HOOK1: variants seen among roughly 807,000 people sequenced by gnomAD.
The protein encoded by HOOK1 is protein Hook homolog 1.
Under a neutral mutation model 112.8 loss-of-function variants are expected in HOOK1, and 60 were observed. The ratio of observed to expected loss-of-function variants is 0.53; its 90% CI spans 0.43 to 0.66. The LOEUF is 0.66. HOOK1 is among the 30% of genes least tolerant of loss of function. HOOK1 has a pLI of 0.00. For synonymous variants in HOOK1, 294 were observed against 283.8 expected (o/e 1.04, Z -0.36); for missense variants, 770 against 856.0 (o/e 0.90, Z 1.25).
In HOOK1 at chr1:59,858,977, T is replaced by A. The variant is rs774476647; in HGVS notation, c.1331-8T>A. 2 of 1,524,974 alleles carry A rather than the reference T, an allele frequency of 1.3e-6. No individual in the cohort carries two copies. The highest frequency in any genetic ancestry group is 2.7e-5 in the African/African-American group (2 of 72,838). The allele number at this position is 1,524,974 out of a possible 1,614,324, so 94.5% of individuals were successfully genotyped here. A position where few individuals can be genotyped will look rare whatever the true frequency, so the allele number is the denominator to read the frequency against. On this transcript the variant is annotated splice_polypyrimidine_tract_variant and splice_region_variant and intron_variant, in intron 13 of 21. Coordinates refer to ENST00000371208, the MANE Select transcript of HOOK1 (RefSeq NM_015888.6). ...TGAAATGCTAATTTATTTTTTGTTA[T>A]TTTTTAGATGCATCTGCTACAAAAA...
intron 15 of HOOK1, among the ~76,000 whole-genome samples, chr1:59,861,258 C>G (rs1272176903): frequency 6.6e-6 from 1 of 152,198 alleles, no homozygotes; most frequent in East Asian, 1.9e-4. Flanking sequence ...GTTCACAATT[C>G]AGAAAGTTTG....
At chr1:59,831,208 A>G (rs1379810114) in intron 3 of HOOK1, among the ~76,000 whole-genome samples, 3 of 152,110 alleles carry the variant, frequency 2.0e-5, no homozygotes, top group Non-Finnish European at 4.4e-5. Context: ...TCTTGCAAGC[A>G]GTTAAGGTAC....
intron 2 of HOOK1, 145 bp downstream of exon 2, chr1:59,822,088 C>A: frequency 1.5e-6 from 1 of 661,408 alleles, no homozygotes; most frequent in Non-Finnish European, 2.6e-6. Context: ...GGCATTCTTG[C>A]AGGTAGGGAA....
chr1:59,846,936 T>C, intron 9 of HOOK1, 109 bp from the exon 10 acceptor site: 1 of 684,130 alleles, frequency 1.5e-6, no homozygotes. Context: ...ATATATTTTA[T>C]TGTGTTGAGT....
At position 59,865,228 on chromosome 1, in the gene HOOK1, C is replaced by A. The variant is rs182131798; in HGVS notation, c.1727C>A (p.Pro576Gln). The change falls in exon 18 of 22, where the codon CCA (proline) becomes CAA (glutamine). Residue 576 changes from proline to glutamine, a missense_variant. Pro to Gln is a moderately conservative substitution (Grantham distance 76, BLOSUM62 -1). Transcript: ENST00000371208. ...KKQELIEDLQ[P>Q]DINQNVQKIN... is the part of the protein sequence containing the mutation. ...CAAGAACTCATTGAAGATCTTCAGC[C>A]AGATATAAATCAAAATGGTAGGTAT... 1 of 1,601,040 alleles carries A rather than the reference C, an allele frequency of 6.2e-7. No homozygotes were observed. Among genetic ancestry groups the A allele is most frequent in the Non-Finnish European group, 8.6e-7 (1 of 1,168,274 alleles).
intron 1 of HOOK1, among the ~76,000 whole-genome samples, chr1:59,815,561 T>G (rs12401562): frequency 0.033 from 4,952 of 151,932 alleles, 101 homozygotes; most frequent in Non-Finnish European, 0.046. Context: ...GATCGCCGAC[T>G]CTCTTGCCTT....
At position 59,848,284 on chromosome 1, in the gene HOOK1, G is replaced by A. The variant is rs769133006; in HGVS notation, c.930-31G>A. Reference sequence around the variant, plus strand: ...AAATTATGAGTATATACTAGTTTTTGTACAGTAATGCTTAGTCTTTATGAT... The same window carrying A: ...AAATTATGAGTATATACTAGTTTTTATACAGTAATGCTTAGTCTTTATGAT... On this transcript the variant is annotated intron_variant, in intron 10 of 21. Transcript: ENST00000371208. 2.0e-6 allele frequency: 3 copies of A among 1,509,900 alleles called. No homozygotes were observed. In the East Asian group the frequency reaches 6.8e-5, roughly 34 times the overall value. The allele number at this position is 1,509,900 out of a possible 1,614,324, so 93.5% of individuals were successfully genotyped here. A position where few individuals can be genotyped will look rare whatever the true frequency, so the allele number is the denominator to read the frequency against.
chr1:59,843,163 T>G lies in HOOK1; in HGVS notation c.622-269T>G, dbSNP rs1358114501. On this transcript the variant is annotated intron_variant, in intron 8 of 21. Coordinates refer to ENST00000371208, the MANE Select transcript of HOOK1 (RefSeq NM_015888.6). ...TTTTAGAGACTTGAAAACATTTTCT[T>G]CCCCAAACAAAGGCAGGCATAGCAT... Among the ~76,000 whole-genome samples, 6 of 151,508 alleles carry G rather than the reference T, an allele frequency of 4.0e-5. 1 individual carries two copies. In the South Asian group the frequency reaches 1.3e-3, roughly 32 times the overall value.
At position 59,872,776 on chromosome 1, in the gene HOOK1, A is replaced by G. The variant is rs906911558; in HGVS notation, c.2017-19A>G. Reference sequence around the variant, plus strand: ...TGTTTAGTCATGTTAAATAAAAAATATATGTTTTTTTTTTTCAGAGTCTAG... The same window carrying G: ...TGTTTAGTCATGTTAAATAAAAAATGTATGTTTTTTTTTTTCAGAGTCTAG... On this transcript the variant is annotated intron_variant, in intron 21 of 21. Coordinates refer to ENST00000371208, the MANE Select transcript of HOOK1 (RefSeq NM_015888.6). 1 of 1,383,952 alleles carries G rather than the reference A, an allele frequency of 7.2e-7. No individual in the cohort carries two copies. Among genetic ancestry groups the G allele is most frequent in the Middle Eastern group, 2.3e-4 (1 of 4,420 alleles). The allele number at this position is 1,383,952 out of a possible 1,614,324, so 85.7% of individuals were successfully genotyped here. A position where few individuals can be genotyped will look rare whatever the true frequency, so the allele number is the denominator to read the frequency against.
chr1:59,845,099 C>G (rs553195510), intron 9 of HOOK1, among the ~76,000 whole-genome samples: 8 of 151,980 alleles, frequency 5.3e-5, no homozygotes, highest in Non-Finnish European at 1.2e-4. Flanking sequence ...ACTGGGAACT[C>G]CAAAATCAAG....
intron 9 of HOOK1, among the ~76,000 whole-genome samples, chr1:59,845,506 T>G (rs981968581): frequency 1.3e-5 from 2 of 151,884 alleles, no homozygotes; most frequent in Non-Finnish European, 2.9e-5. Context: ...GCTGTAGAGT[T>G]GTTCGATGTG....
chr1:59,864,914 G>A (rs138221625), intron 17 of HOOK1: 1 of 566,318 alleles, frequency 1.8e-6, no homozygotes, highest in East Asian at 2.9e-5. Flanking sequence ...ATCACAACTA[G>A]ATTATATGGG....
Position 59,858,965 on chromosome 1 carries a change from T to C in HOOK1, c.1331-20T>C. 1 of 1,446,482 alleles carries C rather than the reference T, an allele frequency of 6.9e-7. No homozygotes were observed. Among genetic ancestry groups the C allele is most frequent in the Non-Finnish European group, 9.7e-7 (1 of 1,031,310 alleles). 89.6% of individuals were successfully genotyped at this position (1,446,482 alleles called of 1,614,324 possible). A position where few individuals can be genotyped will look rare whatever the true frequency, so the allele number is the denominator to read the frequency against. ...TAGTTGAAATACTGAAATGCTAATT[T>C]ATTTTTTGTTATTTTTTAGATGCAT... On this transcript the variant is annotated intron_variant, in intron 13 of 21. Coordinates refer to ENST00000371208, the MANE Select transcript of HOOK1 (RefSeq NM_015888.6).
At position 59,847,120 on chromosome 1, in the gene HOOK1, G is replaced by A. The variant is rs1265788658; in HGVS notation, c.864G>A (p.Arg288=). ...AGCAGCTAATCGAATTCCAGCATAG[G>A]AATGATGAATTGACTAGTCTTGCAG... is the stretch of plus-strand genomic sequence containing the variant. The part of the protein sequence containing the change: ...LEKQLIEFQH[R]NDELTSLAEE... Residue 288 remains arginine, a synonymous_variant, in exon 10 of 22, where the codon AGG becomes AGA. Transcript: ENST00000371208. 6.2e-7 allele frequency: 1 copy of A among 1,607,754 alleles called. No homozygotes were observed. Among genetic ancestry groups the A allele is most frequent in the African/African-American group, 1.3e-5 (1 of 74,564 alleles).
At chr1:59,851,189 T>C (rs1477774504) in intron 12 of HOOK1, among the ~76,000 whole-genome samples, 1 of 151,578 alleles carries the variant, frequency 6.6e-6, no homozygotes, top group Non-Finnish European at 1.5e-5. Context: ...AATCTTGAAA[T>C]CAGCTTGTCA....
chr1:59,865,316 C>A, intron 18 of HOOK1, 71 bp downstream of exon 18: 1 of 907,148 alleles, frequency 1.1e-6, no homozygotes, highest in Non-Finnish European at 1.8e-6. Flanking sequence ...TTGAAGGATC[C>A]AAGGTCTATG....
intron 3 of HOOK1, among the ~76,000 whole-genome samples, chr1:59,831,139 G>A (rs1461259520): frequency 6.6e-6 from 1 of 152,018 alleles, no homozygotes; most frequent in Non-Finnish European, 1.5e-5. Flanking sequence ...GACCTCAGGT[G>A]ATCCAACTGC....
Position 59,873,764 on chromosome 1 carries a change from T to TATATATATAC in HOOK1, c.*800_*801insTATATATACA, listed in dbSNP as rs1644094060. ...ATATATATATATATATATATATATA[T>TATATATATAC]ACTTTTTGTGAAATGTCTATATACT... On this transcript the variant is annotated 3_prime_UTR_variant, in exon 22 of 22. Transcript: ENST00000371208. The TATATATATAC allele has an allele frequency of 7.4e-6, 1 of 135,390 alleles. No homozygotes were observed. The highest frequency in any genetic ancestry group is 1.6e-5 in the Non-Finnish European group (1 of 62,356). 8.4% of individuals were successfully genotyped at this position (135,390 alleles called of 1,614,324 possible). A position where few individuals can be genotyped will look rare whatever the true frequency, so the allele number is the denominator to read the frequency against.
intron 3 of HOOK1, among the ~76,000 whole-genome samples, chr1:59,829,500 T>C (rs2098392265): frequency 2.6e-5 from 4 of 152,046 alleles, no homozygotes; most frequent in Admixed American, 2.6e-4. Flanking sequence ...TTTAAGTCAG[T>C]TTTGTTGTGT....
Sources: allele counts gnomAD v4.1 joint callset (sites outside exome capture counted in the v4.1 genomes callset), GRCh38; gene constraint gnomAD v4.1.1; transcripts MANE v1.5; gene names NCBI Gene and HGNC (gene_info 2026-07-23, HGNC 2026-07-21).